The following IPMK variants were observed in gnomAD, a reference collection of about 807,000 sequenced individuals.
IPMK encodes inositol polyphosphate multikinase.
IPMK carries 17 observed loss-of-function variants against 45.8 expected under a neutral mutation model. The observed-to-expected ratio is 0.37, with a 90% CI of 0.25 to 0.56. IPMK has a LOEUF of 0.56. IPMK is among the 20% of genes least tolerant of loss of function. The probability of loss-of-function intolerance (pLI) is 0.79; values close to 1 mark genes in which losing one functional copy is unlikely to be tolerated. For synonymous variants in IPMK, 180 were observed against 184.3 expected, an observed-to-expected ratio of 0.98 and a Z score of 0.19; for missense variants, 399 against 498.0, an observed-to-expected ratio of 0.80 and a Z score of 1.89.
At chr10:58,253,143 T>G (rs1454982652) in intron 1 of IPMK, among the ~76,000 whole-genome samples, 1 of 152,170 alleles carries the variant, frequency 6.6e-6, no homozygotes, top group Non-Finnish European at 1.5e-5. Flanking sequence ...AAGTCTCTGA[T>G]AGTTTTATAA....
At chr10:58,227,664 G>A (rs1387514805) in intron 2 of IPMK, among the ~76,000 whole-genome samples, 1 of 151,716 alleles carries the variant, frequency 6.6e-6, no homozygotes, top group African/African-American at 2.4e-5. Context: ...GGTGATTTTT[G>A]CTTTTATCTT....
intron 4 of IPMK, chr10:58,213,168 T>A (rs1838191484): frequency 6.6e-6 from 1 of 152,248 alleles, no homozygotes; most frequent in Non-Finnish European, 1.5e-5. Flanking sequence ...GTTTTTTATG[T>A]ACTGAGTTCA....
chr10:58,263,278 C>T (rs1035071867), intron 1 of IPMK, among the ~76,000 whole-genome samples: 1 of 152,004 alleles, frequency 6.6e-6, no homozygotes, highest in African/African-American at 2.4e-5. Context: ...AATCCCAGCA[C>T]TTTGGCAGGC....
intron 1 of IPMK, among the ~76,000 whole-genome samples, chr10:58,263,704 G>A (rs1039297028): frequency 6.6e-6 from 1 of 151,950 alleles, no homozygotes; most frequent in Non-Finnish European, 1.5e-5. Context: ...CAAACAAAAC[G>A]ATATACTGAA....
chr10:58,255,164 G>C (rs370592551), intron 1 of IPMK, among the ~76,000 whole-genome samples: 1 of 152,198 alleles, frequency 6.6e-6, no homozygotes, highest in Non-Finnish European at 1.5e-5. Context: ...GGTTTCCCAG[G>C]TGATTGGAGT....
At chr10:58,266,498 C>T (rs1338580162) in intron 1 of IPMK, among the ~76,000 whole-genome samples, 1 of 152,110 alleles carries the variant, frequency 6.6e-6, no homozygotes, top group Non-Finnish European at 1.5e-5. Flanking sequence ...TTAGTCACCT[C>T]GTCTAAAAAT....
intron 1 of IPMK, among the ~76,000 whole-genome samples, chr10:58,259,775 G>A (rs182946649): frequency 5.9e-4 from 90 of 151,960 alleles, no homozygotes; most frequent in Non-Finnish European, 8.1e-4. Context: ...GGGAGGCGGA[G>A]GTTGCAGTGA....
At chr10:58,245,974 C>T (rs11817217) in intron 1 of IPMK, among the ~76,000 whole-genome samples, 20,130 of 108,708 alleles carry the variant, frequency 0.19, 3,174 homozygotes, top group African/African-American at 0.42. Context: ...ACAAAATCAA[C>T]GTACAAAAAT....
chr10:58,201,126 ATGT>A (rs1837990782), intron 4 of IPMK, among the ~76,000 whole-genome samples: 1 of 152,218 alleles, frequency 6.6e-6, no homozygotes, highest in African/African-American at 2.4e-5. Flanking sequence ...CAGTATTTGC[ATGT>A]TTAAAATATC....
chr10:58,215,932 T>C (rs1456949717), intron 4 of IPMK, among the ~76,000 whole-genome samples: 2 of 152,026 alleles, frequency 1.3e-5, no homozygotes, highest in South Asian at 2.1e-4. Flanking sequence ...CACCCTACTA[T>C]GTTCCCGAAC....
At chr10:58,217,468 C>T (rs1838261812) in intron 3 of IPMK, among the ~76,000 whole-genome samples, 1 of 151,430 alleles carries the variant, frequency 6.6e-6, no homozygotes, top group Non-Finnish European at 1.5e-5. Flanking sequence ...GCAGGTGGAT[C>T]ACCTGAGGGC....
intron 3 of IPMK, among the ~76,000 whole-genome samples, chr10:58,226,225 A>T (rs1424839187): frequency 6.6e-6 from 1 of 152,176 alleles, no homozygotes; most frequent in Non-Finnish European, 1.5e-5. Flanking sequence ...TGACAAAAGG[A>T]ATAGGCAGGC....
chr10:58,207,523 C>G (rs1231264121), intron 4 of IPMK, among the ~76,000 whole-genome samples: 1 of 152,180 alleles, frequency 6.6e-6, no homozygotes, highest in African/African-American at 2.4e-5. Context: ...TAAAAGTGTT[C>G]TCTTTTCAAC....
rs1260127731 is a variant in IPMK, at chr10:58,192,973, CA to C, written c.*3102del. 1.3e-5 allele frequency: 2 copies of C among 151,948 alleles called. No homozygotes were observed. Among genetic ancestry groups the C allele is most frequent in the South Asian group, 2.1e-4 (1 of 4,824 alleles). 9.4% of individuals were successfully genotyped at this position (151,948 alleles called of 1,614,324 possible). A position where few individuals can be genotyped will look rare whatever the true frequency, so the allele number is the denominator to read the frequency against. On this transcript the variant is annotated 3_prime_UTR_variant, in exon 6 of 6. Transcript: ENST00000373935. ...AAACAAGTTTTAAAGTATAAAATGC[CA>C]AACTACTAAGAGAAAATGTACTAAA...
chr10:58,216,869 T>C (rs1249317649), intron 3 of IPMK, among the ~76,000 whole-genome samples: 2 of 152,210 alleles, frequency 1.3e-5, no homozygotes, highest in Non-Finnish European at 2.9e-5. Flanking sequence ...TTTATTTTTT[T>C]GAGACATGGT....
intron 3 of IPMK, among the ~76,000 whole-genome samples, chr10:58,225,626 C>G (rs2790234): frequency 0.15 from 22,731 of 152,058 alleles, 2,320 homozygotes; most frequent in African/African-American, 0.29. Flanking sequence ...ATCTTTTAAA[C>G]TAAGCATTTA....
rs1465411012 is a variant in IPMK at position 58,191,849 on chromosome 10, T to G, written c.*4227A>C. ...GCAATTTCACATGCTTTCATAAATC[T>G]TCCAGTACAGTTCCCATAGTAAAGT... On this transcript the variant is annotated 3_prime_UTR_variant, in exon 6 of 6. Coordinates refer to ENST00000373935, the MANE Select transcript of IPMK (RefSeq NM_152230.5). 3 of 152,124 alleles carry G rather than the reference T, an allele frequency of 2.0e-5. No homozygotes were observed. Among genetic ancestry groups the G allele is most frequent in the Non-Finnish European group, 2.9e-5 (2 of 67,936 alleles). 9.4% of individuals were successfully genotyped at this position (152,124 alleles called of 1,614,324 possible).
intron 2 of IPMK, among the ~76,000 whole-genome samples, chr10:58,233,327 C>G (rs752422559): frequency 1.2e-4 from 19 of 152,152 alleles, no homozygotes; most frequent in Non-Finnish European, 2.8e-4. Context: ...TTTATGAGGC[C>G]AACATCATCC....
chr10:58,197,950 A>G (rs1002889989), intron 5 of IPMK, among the ~76,000 whole-genome samples: 8 of 129,212 alleles, frequency 6.2e-5, no homozygotes, highest in African/African-American at 3.1e-4. Context: ...AATCACCTGA[A>G]CCTGGGAGGT....
Sources: allele counts gnomAD v4.1 joint callset (sites outside exome capture counted in the v4.1 genomes callset), GRCh38; gene constraint gnomAD v4.1.1; transcripts MANE v1.5; gene names NCBI Gene and HGNC (gene_info 2026-07-23, HGNC 2026-07-21).